Variants in ATG101 observed in about 807,000 individuals in gnomAD.
ATG101 encodes autophagy-related protein 101.
A neutral mutation model predicts 16.7 loss-of-function variants in ATG101; 6 were observed. The ratio of observed to expected loss-of-function variants is 0.36; its 90% confidence interval spans 0.20 to 0.71. ATG101 has a LOEUF of 0.71. Among genes scored for constraint, ATG101 ranks in the 30% least tolerant of loss-of-function variants. The pLI is 0.57. For missense variants in ATG101, 200 were observed against 292.5 expected (o/e 0.68, Z 2.31); for synonymous variants, 108 against 118.1 (o/e 0.91, Z 0.56).
chr12:52,071,763 T>C (rs1217349810), intron 2 of ATG101, among the ~76,000 whole-genome samples: 1 of 152,176 alleles, frequency 6.6e-6, no homozygotes, highest in Non-Finnish European at 1.5e-5. Flanking sequence ...GTAGAGATTG[T>C]GTCACTGTAT....
chr12:52,073,290 C>G (rs186583721), intron 2 of ATG101, among the ~76,000 whole-genome samples: 1 of 152,204 alleles, frequency 6.6e-6, no homozygotes, highest in South Asian at 2.1e-4. Context: ...GGGCAGGGGC[C>G]GTGCTTGCCT....
chr12:52,074,485 A>T (rs956257157), intron 3 of ATG101, among the ~76,000 whole-genome samples: 3 of 151,342 alleles, frequency 2.0e-5, no homozygotes, highest in Non-Finnish European at 4.4e-5. Context: ...TTGAGTGCGT[A>T]CTTTTACATT....
intron 2 of ATG101, among the ~76,000 whole-genome samples, chr12:52,071,798 C>A (rs1939654756): frequency 6.6e-6 from 1 of 151,974 alleles, no homozygotes; most frequent in African/African-American, 2.4e-5. Flanking sequence ...TGGAGTGAGA[C>A]CCCATTTCAT....
At position 52,077,276 on chromosome 12, in the gene ATG101, C is replaced by T; in HGVS notation, c.*86C>T. The T allele has an allele frequency of 6.9e-7, 1 of 1,455,124 alleles. No homozygotes were observed. The highest frequency in any genetic ancestry group is 9.3e-7 in the Non-Finnish European group (1 of 1,071,792). 90.1% of individuals were successfully genotyped at this position (1,455,124 alleles called of 1,614,324 possible). On this transcript the variant is annotated 3_prime_UTR_variant, in exon 4 of 4. Coordinates refer to ENST00000336854, the MANE Select transcript of ATG101 (RefSeq NM_021934.5). The stretch of plus-strand genomic sequence containing the variant: ...ACTTTTGGGCCTTTGGGCTCTGGAA[C>T]CTGCTCTGGGTCATTGGTGAGACTT...
intron 3 of ATG101, among the ~76,000 whole-genome samples, 184 bp downstream of exon 3, chr12:52,074,086 C>T (rs1565661973): frequency 1.3e-5 from 2 of 151,560 alleles, no homozygotes; most frequent in Non-Finnish European, 2.9e-5. Flanking sequence ...GGCGCGCGGG[C>T]GCGTGTGTGT....
At chr12:52,072,600 A>AAT (rs1264129281) in intron 2 of ATG101, among the ~76,000 whole-genome samples, 1 of 152,084 alleles carries the variant, frequency 6.6e-6, no homozygotes, top group African/African-American at 2.4e-5. Flanking sequence ...TGTCTCTAGA[A>AAT]ATAGGTGAGA....
At chr12:52,075,789 C>A (rs1165703799) in intron 3 of ATG101, among the ~76,000 whole-genome samples, 1 of 152,176 alleles carries the variant, frequency 6.6e-6, no homozygotes, top group Non-Finnish European at 1.5e-5. Context: ...AACTTCCCTT[C>A]CCCATTCTGT....
chr12:52,072,707 A>G (rs1939669370), intron 2 of ATG101, among the ~76,000 whole-genome samples: 1 of 152,008 alleles, frequency 6.6e-6, no homozygotes, highest in Non-Finnish European at 1.5e-5. Flanking sequence ...AATACGGTTT[A>G]GAGCCATTCT....
upstream of ATG101, among the ~76,000 whole-genome samples, chr12:52,065,907 C>T (rs759214712): frequency 3.7e-4 from 56 of 152,232 alleles, no homozygotes; most frequent in Non-Finnish European, 6.3e-4. Flanking sequence ...GATGGAGTTT[C>T]GCTCTTGTTG....
intron 2 of ATG101, among the ~76,000 whole-genome samples, chr12:52,072,192 C>G (rs1046376793): frequency 1.3e-5 from 2 of 152,228 alleles, no homozygotes; most frequent in African/African-American, 4.8e-5. Context: ...ATTATTATCT[C>G]TTTTGTATAT....
upstream of ATG101, chr12:52,069,962 G>C (rs1939613859): frequency 3.9e-5 from 6 of 152,380 alleles, no homozygotes; most frequent in Admixed American, 3.9e-4. Flanking sequence ...CCGGCGCGCG[G>C]GGGGCGGTGC....
chr12:52,066,105 G>A (rs1031255836), upstream of ATG101, among the ~76,000 whole-genome samples: 5 of 152,278 alleles, frequency 3.3e-5, no homozygotes, highest in Non-Finnish European at 5.9e-5. Context: ...TCGAACTCCC[G>A]ACCTCAGGTG....
Position 52,073,567 on chromosome 12 carries a change from T to A in ATG101, c.-76-8T>A, listed in dbSNP as rs1256978324. 1 of 1,528,012 alleles carries A rather than the reference T, an allele frequency of 6.5e-7. No homozygotes were observed. The highest frequency in any genetic ancestry group is 8.9e-7 in the Non-Finnish European group (1 of 1,129,266). The allele number at this position is 1,528,012 out of a possible 1,614,324, so 94.7% of individuals were successfully genotyped here. A position where few individuals can be genotyped will look rare whatever the true frequency, so the allele number is the denominator to read the frequency against. On this transcript the variant is annotated splice_region_variant and splice_polypyrimidine_tract_variant and intron_variant, in intron 2 of 3. Transcript: ENST00000336854. ...TTGTCAGCATTCTGACCTGGGCTCC[T>A]TTTGCAGGGTGGCCCTTGGGTAGGG...
chr12:52,076,304 A>G (rs904574000), intron 3 of ATG101, among the ~76,000 whole-genome samples: 1 of 152,198 alleles, frequency 6.6e-6, no homozygotes, highest in East Asian at 1.9e-4. Flanking sequence ...GAGGCCCTTG[A>G]TGCAATGCAA....
chr12:52,074,045 C>T, intron 3 of ATG101, 143 bp downstream of exon 3: 1 of 1,283,470 alleles, frequency 7.8e-7, no homozygotes. Flanking sequence ...TTCTGAGAAA[C>T]AGATGTGTTG....
At position 52,073,718 on chromosome 12, in the gene ATG101, C is replaced by G; in HGVS notation, c.68C>G (p.Ala23Gly). The G allele has an allele frequency of 6.2e-7, 1 of 1,614,184 alleles. No homozygotes were observed. Among genetic ancestry groups the G allele is most frequent in the Non-Finnish European group, 8.5e-7 (1 of 1,180,026 alleles). ...CGGCAGGTGGAGGAGGCCATGCTGG[C>G]TGTGCTGCACACGGTGCTTCTGCAC... ...EGRQVEEAML[A>G]VLHTVLLHRS... is the part of the protein sequence containing the mutation. The change falls in exon 3 of 4, where the codon GCT (alanine) becomes GGT (glycine). Residue 23 changes from alanine (A) to glycine (G), a missense_variant. Transcript: ENST00000336854.
chr12:52,076,423 G>A (rs575181319), intron 3 of ATG101, among the ~76,000 whole-genome samples: 2 of 152,310 alleles, frequency 1.3e-5, no homozygotes, highest in Non-Finnish European at 2.9e-5. Context: ...AAGCCTCATC[G>A]TGCCTTGGTG....
chr12:52,073,549 C>A, intron 2 of ATG101, 26 bp from the exon 3 acceptor site: 1 of 1,420,052 alleles, frequency 7.0e-7, no homozygotes, highest in Non-Finnish European at 9.6e-7. Flanking sequence ...TTCTTGTCAG[C>A]ATTCTGACCT....
At position 52,076,984 on chromosome 12, in the gene ATG101, A is replaced by G. The variant is rs1939742141; in HGVS notation, c.451A>G (p.Lys151Glu). 1 of 1,614,096 alleles carries G rather than the reference A, an allele frequency of 6.2e-7. No individual in the cohort carries two copies. The highest frequency in any genetic ancestry group is 8.5e-7 in the Non-Finnish European group (1 of 1,180,048). The change falls in exon 4 of 4, where the codon AAG (lysine) becomes GAG (glutamate). Residue 151 changes from lysine (K) to glutamate (E), a missense_variant. Lys to Glu is a moderately conservative substitution (Grantham distance 56). Coordinates refer to ENST00000336854, the MANE Select transcript of ATG101 (RefSeq NM_021934.5). Reference protein sequence around the residue: ...REKVGEKLCEKIINIVEVMNR... With the variant: ...REKVGEKLCEEIINIVEVMNR... Reference sequence around the variant, plus strand: ...GAAGGTGGGTGAGAAACTCTGCGAGAAGATCATCAACATCGTGGAGGTGAT... The same window carrying G: ...GAAGGTGGGTGAGAAACTCTGCGAGGAGATCATCAACATCGTGGAGGTGAT...
Sources: gnomAD v4.1 joint callset for allele counts (sites outside exome capture counted in the v4.1 genomes callset) on GRCh38, gnomAD v4.1.1 for gene constraint, MANE v1.5 for transcripts, NCBI Gene and HGNC (gene_info 2026-07-23, HGNC 2026-07-21) for gene names.